DBT: variants seen among roughly 807,000 people sequenced by gnomAD.
DBT encodes lipoamide acyltransferase component of branched-chain alpha-keto acid dehydrogenase complex, mitochondrial.
A neutral mutation model predicts 51.3 loss-of-function variants in DBT; 40 were observed. That is an observed-to-expected ratio of 0.78 (90% CI 0.61 to 1.02). The LOEUF is 1.02. Among genes scored for constraint, DBT ranks in the 50% least tolerant of loss-of-function variants. The pLI is 0.00. For missense variants in DBT, 510 were observed against 580.2 expected (o/e 0.88, Z 1.24); for synonymous variants, 181 against 190.4 (o/e 0.95, Z 0.41).
At position 100,235,489 on chromosome 1, in the gene DBT, C is replaced by T. The variant is rs201714436; in HGVS notation, c.198G>A (p.Gln66=). 7.1e-5 allele frequency: 113 copies of T among 1,591,936 alleles called. No homozygotes were observed. The East Asian group carries it at 2.5e-3, about 35-fold the overall frequency. Residue 66 remains glutamine, a synonymous_variant, in exon 3 of 11, where the codon CAG becomes CAA. Transcript: ENST00000370132. ...CTTCTCCAATGTCTGAGAGCTTGAA[C>T]TGAACAACCTGTCCACGGAGAGCTT... ...TTAALRGQVV[Q]FKLSDIGEGI...
chr1:100,246,434 C>G (rs1272708662), intron 1 of DBT, among the ~76,000 whole-genome samples: 1 of 152,038 alleles, frequency 6.6e-6, no homozygotes, highest in Non-Finnish European at 1.5e-5. Flanking sequence ...AAATGCAAAG[C>G]TAAATAAGAT....
At chr1:100,223,905 T>A (rs1663012937) in intron 4 of DBT, among the ~76,000 whole-genome samples, 2 of 152,168 alleles carry the variant, frequency 1.3e-5, no homozygotes, top group Non-Finnish European at 2.9e-5. Context: ...CCTTTTTATA[T>A]GTCACAGATA....
chr1:100,235,663 A>G (rs1179688777), intron 2 of DBT, 152 bp from the exon 3 acceptor site: 4 of 561,776 alleles, frequency 7.1e-6, no homozygotes, highest in African/African-American at 1.9e-5. Context: ...TTTTAAGAGC[A>G]TAACCATTAT....
intron 2 of DBT, among the ~76,000 whole-genome samples, chr1:100,238,315 T>G (rs1664010440): frequency 8.6e-6 from 1 of 116,144 alleles, no homozygotes; most frequent in Non-Finnish European, 1.8e-5. Context: ...TCTAGGTTTC[T>G]AGCTTCCCTC....
At chr1:100,215,827 AAAAAG>A (rs1419494575) in intron 6 of DBT, among the ~76,000 whole-genome samples, 151 bp downstream of exon 6, 5 of 152,222 alleles carry the variant, frequency 3.3e-5, no homozygotes, top group Non-Finnish European at 7.3e-5. Flanking sequence ...CATCTCAAAA[AAAAAG>A]AAAAGAAAAG....
At chr1:100,210,560 A>G in intron 8 of DBT, 134 bp downstream of exon 8, 1 of 1,200,442 alleles carries the variant, frequency 8.3e-7, no homozygotes, top group Non-Finnish European at 1.2e-6. Context: ...CTTAAGTTTA[A>G]TGTTTTACCC....
intron 1 of DBT, among the ~76,000 whole-genome samples, chr1:100,241,484 C>T (rs888310033): frequency 3.3e-5 from 5 of 151,498 alleles, no homozygotes; most frequent in Admixed American, 2.6e-4. Context: ...AAGCCTTGAC[C>T]TTCTAGGCTC....
At chr1:100,227,555 C>G (rs554836208) in intron 4 of DBT, among the ~76,000 whole-genome samples, 1 of 152,278 alleles carries the variant, frequency 6.6e-6, no homozygotes, top group African/African-American at 2.4e-5. Context: ...TAGGAAGGAT[C>G]TCAAATTATA....
rs557971614 is a variant in DBT, at chr1:100,188,801, C to T, written c.*7454G>A. Reference sequence around the variant, plus strand: ...CAGAACTGCAATTATTCTTGTCATGCTTCAGTTGTTTCTGTGGCTCTCCTC... The same window carrying T: ...CAGAACTGCAATTATTCTTGTCATGTTTCAGTTGTTTCTGTGGCTCTCCTC... On this transcript the variant is annotated 3_prime_UTR_variant, in exon 11 of 11. Transcript: ENST00000370132. 6.6e-6 allele frequency: 1 copy of T among 152,416 alleles called. No homozygotes were observed. Among genetic ancestry groups the T allele is most frequent in the South Asian group, 2.1e-4 (1 of 4,816 alleles). 9.4% of individuals were successfully genotyped at this position (152,416 alleles called of 1,614,324 possible). A position where few individuals can be genotyped will look rare whatever the true frequency, so the allele number is the denominator to read the frequency against.
intron 4 of DBT, among the ~76,000 whole-genome samples, chr1:100,228,362 T>G (rs146524385): frequency 6.6e-6 from 1 of 152,098 alleles, no homozygotes; most frequent in African/African-American, 2.4e-5. Flanking sequence ...CTAGGTGCAA[T>G]GTATGGTCCT....
intron 10 of DBT, among the ~76,000 whole-genome samples, chr1:100,197,310 T>A (rs1461798744): frequency 6.6e-6 from 1 of 152,216 alleles, no homozygotes; most frequent in Non-Finnish European, 1.5e-5. Context: ...TGCAACTACT[T>A]GTCTTTGATT....
rs1645236197 is a variant in DBT, at chr1:100,195,941, A to G, written c.*314T>C. On this transcript the variant is annotated 3_prime_UTR_variant, in exon 11 of 11. Transcript: ENST00000370132. ...GGGCCTCCCAAAGTGCTGGGATTAC[A>G]GGCGTGAGCCACCATGCCCGGCCTA... 10 of 356,928 alleles carry G rather than the reference A, an allele frequency of 2.8e-5. No individual in the cohort carries two copies. Among genetic ancestry groups the G allele is most frequent in the South Asian group, 2.6e-4 (10 of 39,186 alleles). 22.1% of individuals were successfully genotyped at this position (356,928 alleles called of 1,614,324 possible).
chr1:100,196,091 A>T lies in DBT; in HGVS notation c.*164T>A. ...AACCATTACACCATTATTCATTTTC[A>T]GTAAAAAGTCTAATAGAACAGTGAC... On this transcript the variant is annotated 3_prime_UTR_variant, in exon 11 of 11. Coordinates refer to ENST00000370132, the MANE Select transcript of DBT (RefSeq NM_001918.5). 1.4e-6 allele frequency: 1 copy of T among 689,970 alleles called. No individual in the cohort carries two copies. Among genetic ancestry groups the T allele is most frequent in the East Asian group, 2.7e-5 (1 of 36,958 alleles). The allele number at this position is 689,970 out of a possible 1,614,324, so 42.7% of individuals were successfully genotyped here.
At chr1:100,229,150 A>G (rs1360845288) in intron 4 of DBT, among the ~76,000 whole-genome samples, 2 of 152,048 alleles carry the variant, frequency 1.3e-5, no homozygotes, top group Non-Finnish European at 2.9e-5. Context: ...CCATTGAGCA[A>G]ATTGTCCAAC....
chr1:100,194,452 C>A lies in DBT; in HGVS notation c.*1803G>T. 6.6e-6 allele frequency: 1 copy of A among 152,610 alleles called. No homozygotes were observed. The highest frequency in any genetic ancestry group is 1.5e-5 in the Non-Finnish European group (1 of 68,382). The allele number at this position is 152,610 out of a possible 1,614,324, so 9.5% of individuals were successfully genotyped here. On this transcript the variant is annotated 3_prime_UTR_variant, in exon 11 of 11. Transcript: ENST00000370132. ...TCTTGGGCTCAAGCAATTCTCCTGC[C>A]TCAGCCTCCCAAGTAGCTGGGACTA...
At chr1:100,200,980 CAA>C (rs1256992868) in intron 10 of DBT, among the ~76,000 whole-genome samples, 1 of 152,072 alleles carries the variant, frequency 6.6e-6, no homozygotes. Flanking sequence ...CTGAAAATGC[CAA>C]AAACCAGGAC....
chr1:100,204,233 C>T (rs919773195), intron 10 of DBT, among the ~76,000 whole-genome samples: 8 of 152,312 alleles, frequency 5.3e-5, no homozygotes, highest in African/African-American at 1.7e-4. Context: ...TCTCCTTAAG[C>T]TGATAAGCAA....
At position 100,242,295 on chromosome 1, in the gene DBT, T is replaced by A. The variant is rs150559399; in HGVS notation, c.52-1411A>T. Among the ~76,000 whole-genome samples, 194 of 152,288 alleles carry A rather than the reference T, an allele frequency of 1.3e-3. 1 individual carries two copies. The highest frequency in any genetic ancestry group is 3.3e-3 in the Admixed American group (50 of 15,296). On this transcript the variant is annotated intron_variant, in intron 1 of 10. Transcript: ENST00000370132. ...ATAAACATCATATAGTACAGTCATG[T>A]TTTAATACATATTTATAAACTAGAA...
At chr1:100,238,924 C>T (rs539941225) in intron 2 of DBT, among the ~76,000 whole-genome samples, 1 of 152,194 alleles carries the variant, frequency 6.6e-6, no homozygotes, top group South Asian at 2.1e-4. Context: ...CTATGAAAAA[C>T]TGAAGTTTAA....
Sources: gnomAD v4.1 joint callset for allele counts (sites outside exome capture counted in the v4.1 genomes callset) on GRCh38, gnomAD v4.1.1 for gene constraint, MANE v1.5 for transcripts, NCBI Gene and HGNC (gene_info 2026-07-23, HGNC 2026-07-21) for gene names.